The following EEFSEC variants were observed in gnomAD, a reference collection of about 807,000 sequenced individuals.
EEFSEC encodes eukaryotic elongation factor, selenocysteine-tRNA specific.
EEFSEC carries 43 observed loss-of-function variants against 42.1 expected under a neutral mutation model. The ratio of observed to expected loss-of-function variants is 1.02; its 90% CI spans 0.80 to 1.32. The LOEUF (loss-of-function observed/expected upper bound fraction) is 1.32. Among genes scored for constraint, EEFSEC ranks in the 40% most tolerant of loss-of-function variants. The pLI is 0.00. For synonymous variants in EEFSEC, 354 were observed against 339.1 expected, an observed-to-expected ratio of 1.04 and a Z score of -0.48; for missense variants, 745 against 803.6, an observed-to-expected ratio of 0.93 and a Z score of 0.88.
chr3:128,304,078 T>G (rs1360519314), intron 4 of EEFSEC, among the ~76,000 whole-genome samples: 1 of 134,208 alleles, frequency 7.5e-6, no homozygotes, highest in Non-Finnish European at 1.5e-5. Flanking sequence ...TCATAATAGG[T>G]TTTTTTTTTT....
At chr3:128,281,850 G>C (rs1454434556) in intron 4 of EEFSEC, among the ~76,000 whole-genome samples, 1 of 152,230 alleles carries the variant, frequency 6.6e-6, no homozygotes, top group African/African-American at 2.4e-5. Flanking sequence ...GTTCTCAGCT[G>C]TTTTGTAGTT....
At chr3:128,399,353 G>A (rs183242910) in intron 6 of EEFSEC, among the ~76,000 whole-genome samples, 50 of 152,262 alleles carry the variant, frequency 3.3e-4, no homozygotes, top group Non-Finnish European at 4.1e-4. Flanking sequence ...CTACGCTTCC[G>A]CCCAATCAAA....
intron 4 of EEFSEC, among the ~76,000 whole-genome samples, chr3:128,340,514 A>T (rs570153367): frequency 9.2e-5 from 14 of 152,242 alleles, no homozygotes; most frequent in Non-Finnish European, 2.1e-4. Context: ...CTCTTTGGAA[A>T]CAGAGGTCAC....
At chr3:128,254,532 AT>A (rs1160598227) in intron 2 of EEFSEC, among the ~76,000 whole-genome samples, 1 of 152,184 alleles carries the variant, frequency 6.6e-6, no homozygotes, top group Non-Finnish European at 1.5e-5. Context: ...CAGCTGTGGA[AT>A]GGAAATTAGT....
intron 4 of EEFSEC, among the ~76,000 whole-genome samples, chr3:128,271,720 A>C (rs1263341029): frequency 6.6e-6 from 1 of 151,996 alleles, no homozygotes; most frequent in African/African-American, 2.4e-5. Flanking sequence ...GCTCAGGTTC[A>C]AACTCCCGGG....
At chr3:128,182,896 T>G (rs1457087828) in intron 1 of EEFSEC, among the ~76,000 whole-genome samples, 920 of 69,612 alleles carry the variant, frequency 0.013, no homozygotes, top group African/African-American at 0.055. Flanking sequence ...GGGGGTGGGG[T>G]GGTTGGTCTA....
chr3:128,293,476 A>C (rs974124132), intron 4 of EEFSEC, among the ~76,000 whole-genome samples: 4 of 152,130 alleles, frequency 2.6e-5, no homozygotes, highest in Middle Eastern at 3.4e-3. Context: ...CCTCGCTAAC[A>C]CAGTGAAACC....
At chr3:128,409,147 G>A (rs2068156585), downstream of EEFSEC, among the ~76,000 whole-genome samples, 1 of 152,224 alleles carries the variant, frequency 6.6e-6, no homozygotes, top group Admixed American at 6.5e-5. Flanking sequence ...GGTGAATGGT[G>A]GAGTCAACAG....
chr3:128,233,327 T>C (rs1257949948), intron 1 of EEFSEC, among the ~76,000 whole-genome samples: 1 of 152,246 alleles, frequency 6.6e-6, no homozygotes, highest in Non-Finnish European at 1.5e-5. Context: ...TGCATTTGAA[T>C]TTTAAAAAAT....
At chr3:128,411,568 GTGCCCTGGGCCCCCTCACC>G (rs1288804066), downstream of EEFSEC, among the ~76,000 whole-genome samples, 1 of 152,192 alleles carries the variant, frequency 6.6e-6, no homozygotes, top group African/African-American at 2.4e-5. Context: ...TGGGGCAGCA[GTGCCCTGGGCCCCCTCACC>G]TGCCTGCCCA....
intron 1 of EEFSEC, among the ~76,000 whole-genome samples, chr3:128,180,298 G>T (rs2065392484): frequency 6.6e-6 from 1 of 152,174 alleles, no homozygotes; most frequent in South Asian, 2.1e-4. Context: ...CACTCCATCC[G>T]AGTTGCTGTA....
chr3:128,406,504 G>T (rs1395200371), intron 6 of EEFSEC, among the ~76,000 whole-genome samples: 1 of 152,190 alleles, frequency 6.6e-6, no homozygotes, highest in African/African-American at 2.4e-5. Context: ...TTTGCTAAGA[G>T]AATAGATTTT....
chr3:128,411,045 C>T (rs1370358780), downstream of EEFSEC, among the ~76,000 whole-genome samples: 1 of 152,244 alleles, frequency 6.6e-6, no homozygotes, highest in Non-Finnish European at 1.5e-5. Flanking sequence ...CCGACTGCCC[C>T]AGGAGAGGCC....
At chr3:128,319,791 G>T (rs1293168348) in intron 4 of EEFSEC, among the ~76,000 whole-genome samples, 1 of 152,204 alleles carries the variant, frequency 6.6e-6, no homozygotes, top group East Asian at 1.9e-4. Context: ...CCATCCTCTC[G>T]ACTGCAGGGA....
At chr3:128,348,290 G>T (rs1433356376) in intron 5 of EEFSEC, among the ~76,000 whole-genome samples, 1 of 151,892 alleles carries the variant, frequency 6.6e-6, no homozygotes, top group African/African-American at 2.4e-5. Context: ...GTGTGTGTGT[G>T]TGCGTGTGTG....
chr3:128,365,674 G>A (rs2107598863), intron 6 of EEFSEC, among the ~76,000 whole-genome samples: 1 of 152,138 alleles, frequency 6.6e-6, no homozygotes, highest in Middle Eastern at 3.4e-3. Context: ...CCCTACCACA[G>A]AGCACTGGGA....
intron 1 of EEFSEC, among the ~76,000 whole-genome samples, chr3:128,225,332 A>C (rs1172053186): frequency 1.3e-5 from 2 of 152,182 alleles, no homozygotes; most frequent in African/African-American, 4.8e-5. Flanking sequence ...GTCTATTCTT[A>C]AGGAGGTGCT....
intron 1 of EEFSEC, among the ~76,000 whole-genome samples, chr3:128,227,997 A>G (rs1435952290): frequency 6.6e-6 from 1 of 152,196 alleles, no homozygotes; most frequent in Non-Finnish European, 1.5e-5. Context: ...ACAAGCATAC[A>G]TAACCTTTTT....
rs201911929 is a variant in EEFSEC, at chr3:128,295,451, CTTTTTTTTTTT to C, written c.786+30683_786+30693del. ...AGGCATTTTTCTGTACTTCCCCCTA[CTTTTTTTTTTT>C]TTTTTTTTTTTTGCTGGCAAATATA... On this transcript the variant is annotated intron_variant, in intron 4 of 6. Transcript: ENST00000254730. Among the ~76,000 whole-genome samples, 42 of 64,008 alleles carry C rather than the reference CTTTTTTTTTTT, an allele frequency of 6.6e-4. 1 individual carries two copies. The highest frequency in any genetic ancestry group is 7.0e-4 in the South Asian group (1 of 1,426). The allele number at this position is 64,008 out of a possible 152,430, so 42.0% of individuals were successfully genotyped here.
Sources: allele counts gnomAD v4.1 joint callset (sites outside exome capture counted in the v4.1 genomes callset), GRCh38; gene constraint gnomAD v4.1.1; transcripts MANE v1.5; gene names NCBI Gene and HGNC (gene_info 2026-07-23, HGNC 2026-07-21).